Variants in MACROD1 observed in about 807,000 individuals in gnomAD.
MACROD1 encodes ADP-ribose glycohydrolase MACROD1.
A neutral mutation model predicts 41.4 loss-of-function variants in MACROD1; 31 were observed. The ratio of observed to expected loss-of-function variants is 0.75; its 90% CI spans 0.56 to 1.01. The LOEUF (loss-of-function observed/expected upper bound fraction) is 1.01, where lower values mean the gene tolerates loss of function less well. Among genes scored for constraint, MACROD1 ranks in the 50% least tolerant of loss-of-function variants. The pLI is 0.00. For synonymous variants in MACROD1, 252 were observed against 203.4 expected, an observed-to-expected ratio of 1.24 and a Z score of -2.03; for missense variants, 473 against 460.0, an observed-to-expected ratio of 1.03 and a Z score of -0.26.
intron 3 of MACROD1, among the ~76,000 whole-genome samples, chr11:64,085,841 G>A (rs1944384184): frequency 6.6e-6 from 1 of 152,214 alleles, no homozygotes; most frequent in Non-Finnish European, 1.5e-5. Context: ...CAGGGATGCA[G>A]GAGGAATAAG....
At chr11:64,085,757 T>G (rs909978665) in intron 3 of MACROD1, among the ~76,000 whole-genome samples, 2 of 152,180 alleles carry the variant, frequency 1.3e-5, no homozygotes, top group Non-Finnish European at 2.9e-5. Context: ...GGGGGCCTGC[T>G]TCTCCCAGCA....
chr11:64,080,212 C>T (rs1944279102), intron 3 of MACROD1, among the ~76,000 whole-genome samples: 1 of 152,104 alleles, frequency 6.6e-6, no homozygotes, highest in Non-Finnish European at 1.5e-5. Flanking sequence ...GGGGTATCAA[C>T]ATGTTGGCCA....
chr11:64,141,080 AG>A (rs1945406267), intron 3 of MACROD1, among the ~76,000 whole-genome samples: 1 of 152,236 alleles, frequency 6.6e-6, no homozygotes, highest in Admixed American at 6.5e-5. Flanking sequence ...GGCTGCAGTG[AG>A]CTGTGGTCAC....
Position 64,000,470 on chromosome 11 carries a change from C to T in MACROD1, c.548-127G>A, listed in dbSNP as rs534014838. ...GCGGAGCCGCGCCCCAACCCCGTGG[C>T]CTCCGGCCGCGGCCGCTGCCCCCAC... On this transcript the variant is annotated intron_variant, in intron 4 of 10. Transcript: ENST00000255681. 7.8e-4 allele frequency: 424 copies of T among 546,250 alleles called. 2 individuals carry two copies. The African/African-American group carries it at 8.0e-3, about 10-fold the overall frequency. 33.8% of individuals were successfully genotyped at this position (546,250 alleles called of 1,614,324 possible).
At chr11:64,139,874 T>G (rs571809591) in intron 3 of MACROD1, among the ~76,000 whole-genome samples, 1 of 150,954 alleles carries the variant, frequency 6.6e-6, no homozygotes, top group Admixed American at 6.6e-5. Context: ...GAGAATAGCA[T>G]GAACCTGGGA....
At chr11:64,040,677 C>T (rs1221082950) in intron 3 of MACROD1, among the ~76,000 whole-genome samples, 2 of 152,140 alleles carry the variant, frequency 1.3e-5, no homozygotes, top group Admixed American at 6.5e-5. Flanking sequence ...ATGACGGGGG[C>T]GGTAGCCCTG....
rs1945837544 is a variant in MACROD1 at position 64,165,929 on chromosome 11, G to C, written c.66C>G (p.Val22=). The C allele has an allele frequency of 1.5e-6, 2 of 1,325,140 alleles. No homozygotes were observed. Among genetic ancestry groups the C allele is most frequent in the South Asian group, 4.3e-5 (2 of 46,476 alleles). The allele number at this position is 1,325,140 out of a possible 1,614,324, so 82.1% of individuals were successfully genotyped here. The change falls in exon 1 of 11, where the codon GTC becomes GTG. Residue 22 remains valine (V), a synonymous_variant. Coordinates refer to ENST00000255681, the MANE Select transcript of MACROD1 (RefSeq NM_014067.4). ...AQLRAAGQLL[V]PPRPRPGHLA... The stretch of plus-strand genomic sequence containing the variant: ...AGTGTCCGGGCCGGGGGCGCGGGGG[G>C]ACGAGCAGCTGCCCCGCCGCGCGCA...
intron 3 of MACROD1, among the ~76,000 whole-genome samples, chr11:64,114,432 AATGG>A (rs141357642): frequency 0.27 from 30,666 of 112,218 alleles, 5,822 homozygotes; most frequent in East Asian, 0.58. Flanking sequence ...GGGATGGTTG[AATGG>A]ATGGATGGAT....
At chr11:64,093,263 A>C (rs1944521719) in intron 3 of MACROD1, among the ~76,000 whole-genome samples, 1 of 152,260 alleles carries the variant, frequency 6.6e-6, no homozygotes, top group South Asian at 2.1e-4. Context: ...TCAACATCTC[A>C]GCTCTGTGTG....
chr11:64,014,665 C>G (rs1291840965), intron 4 of MACROD1, among the ~76,000 whole-genome samples: 1 of 152,198 alleles, frequency 6.6e-6, no homozygotes, highest in Non-Finnish European at 1.5e-5. Context: ...GCTGGGGGTA[C>G]AGGGACACGC....
intron 1 of MACROD1, among the ~76,000 whole-genome samples, chr11:64,164,166 C>G (rs1945799026): frequency 6.6e-6 from 1 of 152,256 alleles, no homozygotes; most frequent in Non-Finnish European, 1.5e-5. Flanking sequence ...CCTTGCCTAT[C>G]TGACACATGT....
chr11:64,151,996 G>A (rs1281497071), intron 2 of MACROD1, among the ~76,000 whole-genome samples: 1 of 152,136 alleles, frequency 6.6e-6, no homozygotes, highest in Non-Finnish European at 1.5e-5. Flanking sequence ...AGGCATGGTG[G>A]TGCATGTCTG....
chr11:64,015,247 C>T lies in MACROD1; in HGVS notation c.547+5G>A. 1.2e-6 allele frequency: 2 copies of T among 1,601,352 alleles called. No individual in the cohort carries two copies. Among genetic ancestry groups the T allele is most frequent in the South Asian group, 1.1e-5 (1 of 88,596 alleles). ...CACCCCCACCAAGACAGAAGGTCCACTCACCGCCACCGCCTCCGAGCAGGG... is the reference window on the plus strand; with the variant it reads ...CACCCCCACCAAGACAGAAGGTCCATTCACCGCCACCGCCTCCGAGCAGGG... On this transcript the variant is annotated splice_donor_5th_base_variant and intron_variant, in intron 4 of 10. Transcript: ENST00000255681.
At chr11:64,098,942 G>T (rs937028239) in intron 3 of MACROD1, among the ~76,000 whole-genome samples, 2 of 152,196 alleles carry the variant, frequency 1.3e-5, no homozygotes, top group African/African-American at 4.8e-5. Context: ...GAAACAGGAG[G>T]GCTAATTGCT....
At chr11:64,143,657 C>G (rs1386073090) in intron 3 of MACROD1, among the ~76,000 whole-genome samples, 2 of 151,764 alleles carry the variant, frequency 1.3e-5, no homozygotes. Flanking sequence ...GCCGTGAGGA[C>G]AGACAGGACA....
rs1945838659 is a variant in MACROD1 at position 64,165,968 on chromosome 11, G to GC, written c.26dup (p.Arg10ProfsTer98). The GC allele has an allele frequency of 1.5e-6, 2 of 1,296,022 alleles. No individual in the cohort carries two copies. The highest frequency in any genetic ancestry group is 6.2e-5 in the East Asian group (2 of 32,258). 80.3% of individuals were successfully genotyped at this position (1,296,022 alleles called of 1,614,324 possible). ...CCGCCGCGCGCAGCTGTGCCAGGCG[G>GC]CCGGACAGTCGGCTCTGTAGAGACA... On this transcript the variant is annotated frameshift_variant, in exon 1 of 11. Transcript: ENST00000255681. LOFTEE classifies it high-confidence loss of function.
intron 3 of MACROD1, among the ~76,000 whole-genome samples, chr11:64,027,958 G>T (rs1943242824): frequency 6.6e-6 from 1 of 152,246 alleles, no homozygotes; most frequent in South Asian, 2.1e-4. Flanking sequence ...AAAGACAGAG[G>T]AAAGGCAGCA....
chr11:64,009,120 T>C (rs530199756), intron 4 of MACROD1: 2 of 152,300 alleles, frequency 1.3e-5, no homozygotes, highest in African/African-American at 4.8e-5. Context: ...GCCGGCTCCT[T>C]ATCTCCGAGT....
rs990601971 is a variant in MACROD1, at chr11:64,122,163, T to C, written c.517+29076A>G. Among the ~76,000 whole-genome samples the C allele has an allele frequency of 1.3e-5, 2 of 152,254 alleles. No homozygotes were observed. The highest frequency in any genetic ancestry group is 2.4e-5 in the African/African-American group (1 of 41,464). ...TTAGTCATACTCAATTCCACAGACATGATGTGCATCAAAAGCTCCTTTTCT... is the reference window on the plus strand; with the variant it reads ...TTAGTCATACTCAATTCCACAGACACGATGTGCATCAAAAGCTCCTTTTCT... On this transcript the variant is annotated intron_variant, in intron 3 of 10. Coordinates refer to ENST00000255681, the MANE Select transcript of MACROD1 (RefSeq NM_014067.4). The surrounding 1 kb of genome is among the most constrained non-coding windows in gnomAD (Gnocchi z 4.0).
Sources: gnomAD v4.1 joint callset for allele counts (sites outside exome capture counted in the v4.1 genomes callset) on GRCh38, gnomAD v4.1.1 for gene constraint, Gnocchi (gnomAD v3.1) non-coding constraint, MANE v1.5 for transcripts, NCBI Gene and HGNC (gene_info 2026-07-23, HGNC 2026-07-21) for gene names.